The following NUBPL variants were observed in gnomAD, a reference collection of about 807,000 sequenced individuals.
The protein encoded by NUBPL is NUBP iron-sulfur cluster assembly factor, mitochondrial.
Under a neutral mutation model 45.7 loss-of-function variants are expected in NUBPL, and 31 were observed. The observed-to-expected ratio is 0.68, with a 90% confidence interval of 0.51 to 0.92. The LOEUF is 0.92. Among genes scored for constraint, NUBPL ranks in the 40% least tolerant of loss-of-function variants. The pLI is 0.00. For missense variants in NUBPL, 401 were observed against 398.7 expected, an observed-to-expected ratio of 1.01 and a Z score of -0.05; for synonymous variants, 144 against 140.9, an observed-to-expected ratio of 1.02 and a Z score of -0.15.
At chr14:31,778,197 T>G (rs2039129995) in intron 6 of NUBPL, among the ~76,000 whole-genome samples, 1 of 152,214 alleles carries the variant, frequency 6.6e-6, no homozygotes, top group Non-Finnish European at 1.5e-5. Flanking sequence ...TGGCCAGATC[T>G]CCTGGTGAGG....
intron 6 of NUBPL, among the ~76,000 whole-genome samples, chr14:31,786,951 G>A (rs188743182): frequency 1.3e-5 from 2 of 152,322 alleles, no homozygotes; most frequent in East Asian, 3.9e-4. Context: ...CTGGTTGGGA[G>A]GCTTTAATAA....
chr14:31,718,561 T>A (rs1397246406), intron 6 of NUBPL, among the ~76,000 whole-genome samples: 1 of 152,172 alleles, frequency 6.6e-6, no homozygotes, highest in Non-Finnish European at 1.5e-5. Flanking sequence ...TACAGCAAAG[T>A]GATTAAAATT....
chr14:31,674,482 G>A (rs1240670411), intron 6 of NUBPL, among the ~76,000 whole-genome samples: 1 of 151,990 alleles, frequency 6.6e-6, no homozygotes, highest in Non-Finnish European at 1.5e-5. Flanking sequence ...AGTCATTTAA[G>A]TCTCTTGGTT....
In NUBPL at chr14:31,846,290, T is replaced by G. The variant is rs2040450612; in HGVS notation, c.694-181T>G. The G allele has an allele frequency of 1.7e-5, 10 of 599,330 alleles. No individual in the cohort carries two copies. The South Asian group carries it at 1.8e-4, about 11-fold the overall frequency. 37.1% of individuals were successfully genotyped at this position (599,330 alleles called of 1,614,324 possible). A position where few individuals can be genotyped will look rare whatever the true frequency, so the allele number is the denominator to read the frequency against. ...TATTATGATATCAAAGGTAATTCTA[T>G]ATGTCTTGCTCTCTTACTAGCTCAT... On this transcript the variant is annotated intron_variant, in intron 8 of 10. Coordinates refer to ENST00000281081, the MANE Select transcript of NUBPL (RefSeq NM_025152.3).
chr14:31,577,863 T>C, intron 3 of NUBPL: 1 of 586,942 alleles, frequency 1.7e-6, no homozygotes, highest in Non-Finnish European at 2.1e-6. Flanking sequence ...TCACTTCCTC[T>C]GTGGAGCCAC....
intron 4 of NUBPL, among the ~76,000 whole-genome samples, chr14:31,640,306 A>G (rs2035649388): frequency 1.3e-5 from 2 of 152,130 alleles, no homozygotes; most frequent in Admixed American, 6.5e-5. Context: ...TACTTATGAG[A>G]CTTAAGAAAC....
At chr14:31,812,608 C>T (rs911735634) in intron 7 of NUBPL, among the ~76,000 whole-genome samples, 3 of 152,320 alleles carry the variant, frequency 2.0e-5, no homozygotes, top group South Asian at 2.1e-4. Context: ...GGCGATGCCC[C>T]GCCCTGCTTC....
At chr14:31,824,892 T>C (rs2040072720) in intron 7 of NUBPL, among the ~76,000 whole-genome samples, 1 of 152,126 alleles carries the variant, frequency 6.6e-6, no homozygotes, top group African/African-American at 2.4e-5. Flanking sequence ...ATCTATATTA[T>C]GTTTATGTTA....
At chr14:31,675,697 T>C (rs1233022718) in intron 6 of NUBPL, among the ~76,000 whole-genome samples, 1 of 152,212 alleles carries the variant, frequency 6.6e-6, no homozygotes, top group Non-Finnish European at 1.5e-5. Context: ...AAAAATACTG[T>C]GGTCATTCTG....
intron 2 of NUBPL, chr14:31,562,786 T>G (rs1415151516): frequency 1.3e-5 from 2 of 152,792 alleles, no homozygotes; most frequent in African/African-American, 4.8e-5. Context: ...TTTTTTGTAT[T>G]TTTAGTAGAG....
In NUBPL at chr14:31,861,204, T is replaced by C. The variant is rs896468399; in HGVS notation, c.*2024T>C. ...ATCTACAATTATCTCAAAATAAAAA[T>C]AAAAGTTAAAAAAACACAAACTGCT... is the stretch of plus-strand genomic sequence containing the variant. On this transcript the variant is annotated 3_prime_UTR_variant, in exon 11 of 11. Coordinates refer to ENST00000281081, the MANE Select transcript of NUBPL (RefSeq NM_025152.3). The C allele has an allele frequency of 6.6e-6, 1 of 152,096 alleles. No homozygotes were observed. Among genetic ancestry groups the C allele is most frequent in the Non-Finnish European group, 1.5e-5 (1 of 68,002 alleles). 9.4% of individuals were successfully genotyped at this position (152,096 alleles called of 1,614,324 possible).
chr14:31,643,035 C>T (rs748683007), intron 4 of NUBPL, among the ~76,000 whole-genome samples: 5 of 152,050 alleles, frequency 3.3e-5, no homozygotes, highest in Non-Finnish European at 5.9e-5. Context: ...ATTCATTTAT[C>T]TGTCCTAACA....
chr14:31,793,378 C>A (rs926329293), intron 7 of NUBPL, among the ~76,000 whole-genome samples: 1 of 152,158 alleles, frequency 6.6e-6, no homozygotes, highest in Non-Finnish European at 1.5e-5. Flanking sequence ...GTCTACTCCC[C>A]GCCATCTTCC....
intron 6 of NUBPL, among the ~76,000 whole-genome samples, chr14:31,786,292 C>T (rs1008113512): frequency 6.6e-6 from 1 of 152,182 alleles, no homozygotes; most frequent in African/African-American, 2.4e-5. Flanking sequence ...CAAGTCTTTG[C>T]ATGTGTTCAT....
intron 4 of NUBPL, among the ~76,000 whole-genome samples, chr14:31,653,558 C>T (rs879732039): frequency 2.8e-4 from 43 of 152,294 alleles, no homozygotes; most frequent in African/African-American, 8.9e-4. Context: ...GCAGTCAGAC[C>T]TTATGGTTGT....
chr14:31,783,378 T>C (rs1420958449), intron 6 of NUBPL, among the ~76,000 whole-genome samples: 1 of 152,170 alleles, frequency 6.6e-6, no homozygotes, highest in African/African-American at 2.4e-5. Context: ...AGCAAGCCTT[T>C]ATAGAAAGCC....
At position 31,850,140 on chromosome 14, in the gene NUBPL, A is replaced by C. The variant is rs767063662; in HGVS notation, c.836A>C (p.Asn279Thr). 19 of 1,613,530 alleles carry C rather than the reference A, an allele frequency of 1.2e-5. No homozygotes were observed. Among genetic ancestry groups the C allele is most frequent in the Non-Finnish European group, 1.5e-5 (18 of 1,179,496 alleles). ...TTAGGAGACATTCCCTTACACCTTA[A>C]TATAAGGGAAGCTTCAGATACAGGC... The part of the protein sequence containing the change: ...EVLGDIPLHL[N>T]IREASDTGQP... Residue 279 changes from asparagine to threonine, a missense_variant, in exon 10 of 11, where the codon AAT (asparagine) becomes ACT (threonine). Asn to Thr is a moderately conservative substitution (Grantham distance 65, BLOSUM62 0). Transcript: ENST00000281081.
chr14:31,731,573 T>C lies in NUBPL; in HGVS notation c.514-56207T>C, dbSNP rs545227033. ...TAAGTATGTAATATTTGCCAGATCCTAAGATAGATGCCAGGAATGGATACA... is the reference window on the plus strand; with the variant it reads ...TAAGTATGTAATATTTGCCAGATCCCAAGATAGATGCCAGGAATGGATACA... On this transcript the variant is annotated intron_variant, in intron 6 of 10. Coordinates refer to ENST00000281081, the MANE Select transcript of NUBPL (RefSeq NM_025152.3). 2.0e-4 allele frequency among the ~76,000 whole-genome samples: 30 copies of C among 152,330 alleles called. 2 individuals are homozygous for C. The South Asian group carries it at 6.0e-3, about 31-fold the overall frequency.
intron 3 of NUBPL, among the ~76,000 whole-genome samples, chr14:31,593,133 T>C (rs1170503951): frequency 6.6e-6 from 1 of 152,184 alleles, no homozygotes; most frequent in Non-Finnish European, 1.5e-5. Flanking sequence ...ATATTATATT[T>C]GGTATTATAA....
Sources: allele counts gnomAD v4.1 joint callset (sites outside exome capture counted in the v4.1 genomes callset), GRCh38; gene constraint gnomAD v4.1.1; transcripts MANE v1.5; gene names NCBI Gene and HGNC (gene_info 2026-07-23, HGNC 2026-07-21).